The following RARB variants were observed in gnomAD, a reference collection of about 807,000 sequenced individuals.
RARB encodes the protein retinoic acid receptor beta.
Under a neutral mutation model 51.9 loss-of-function variants are expected in RARB, and 17 were observed. That is an observed-to-expected ratio of 0.33 (90% confidence interval 0.22 to 0.49). The LOEUF (loss-of-function observed/expected upper bound fraction) is 0.49, where lower values mean the gene tolerates loss of function less well. RARB is among the 20% of genes least tolerant of loss of function. RARB has a pLI of 0.99. For missense variants in RARB, 369 were observed against 550.8 expected, an observed-to-expected ratio of 0.67 and a Z score of 3.30; for synonymous variants, 215 against 195.4, an observed-to-expected ratio of 1.10 and a Z score of -0.84.
chr3:25,411,993 C>T (rs976849764), intron 5 of RARB, among the ~76,000 whole-genome samples: 1 of 152,136 alleles, frequency 6.6e-6, no homozygotes, highest in Non-Finnish European at 1.5e-5. Context: ...GTGGAATCAC[C>T]CATTCTGATT....
chr3:25,080,413 A>G (rs1479960530), intron 3 of RARB, among the ~76,000 whole-genome samples: 7 of 152,212 alleles, frequency 4.6e-5, no homozygotes, highest in Non-Finnish European at 2.9e-5. Flanking sequence ...GTACCTGTTT[A>G]TGTCCCTGCT....
intron 2 of RARB, among the ~76,000 whole-genome samples, chr3:24,891,845 C>T (rs1159667655): frequency 6.6e-6 from 1 of 151,224 alleles, no homozygotes; most frequent in Non-Finnish European, 1.5e-5. Context: ...CCTGGGGCGG[C>T]CATCTTCAGG....
chr3:25,075,339 A>G (rs1425065919), intron 3 of RARB, among the ~76,000 whole-genome samples: 2 of 152,160 alleles, frequency 1.3e-5, no homozygotes, highest in Non-Finnish European at 2.9e-5. Flanking sequence ...CCTTTAGCCA[A>G]CAAACCAGTT....
At chr3:25,203,253 C>T (rs555664968) in intron 5 of RARB, among the ~76,000 whole-genome samples, 169 of 152,208 alleles carry the variant, frequency 1.1e-3, no homozygotes, top group Non-Finnish European at 1.1e-3. Flanking sequence ...AGGATTGCAA[C>T]CCCTGCCTTT....
chr3:24,968,538 C>G (rs1488067445), intron 2 of RARB, among the ~76,000 whole-genome samples: 1 of 152,038 alleles, frequency 6.6e-6, no homozygotes, highest in South Asian at 2.1e-4. Context: ...AGCTGGACTA[C>G]CTCTTGTTTC....
At chr3:24,870,170 T>G (rs976385493) in intron 2 of RARB, among the ~76,000 whole-genome samples, 1 of 152,104 alleles carries the variant, frequency 6.6e-6, no homozygotes, top group African/African-American at 2.4e-5. Flanking sequence ...TCTAACTATC[T>G]TTATGGTGTC....
intron 5 of RARB, among the ~76,000 whole-genome samples, chr3:25,174,742 C>T (rs1035445850): frequency 6.6e-6 from 1 of 152,188 alleles, no homozygotes; most frequent in African/African-American, 2.4e-5. Context: ...TGATTTGAAA[C>T]TAGACAAGTG....
intron 2 of RARB, among the ~76,000 whole-genome samples, chr3:24,859,282 C>G (rs1166608769): frequency 6.6e-6 from 1 of 151,970 alleles, no homozygotes; most frequent in Non-Finnish European, 1.5e-5. Context: ...GAGGGTTTTG[C>G]TTTTCTTTGA....
At chr3:25,155,318 G>A (rs1203206886) in intron 4 of RARB, among the ~76,000 whole-genome samples, 3 of 152,014 alleles carry the variant, frequency 2.0e-5, no homozygotes, top group Non-Finnish European at 2.9e-5. Context: ...AACTTTATTT[G>A]CATTGCATTG....
At chr3:25,092,245 T>C (rs541118377) in intron 3 of RARB, among the ~76,000 whole-genome samples, 1 of 152,288 alleles carries the variant, frequency 6.6e-6, no homozygotes, top group South Asian at 2.1e-4. Flanking sequence ...ACCGAAAAGG[T>C]TGCAAACTAT....
chr3:25,305,958 C>T (rs956759748), intron 5 of RARB, among the ~76,000 whole-genome samples: 2 of 152,156 alleles, frequency 1.3e-5, no homozygotes. Flanking sequence ...TCAGTTGTTT[C>T]TGCTACTTAA....
intron 4 of RARB, among the ~76,000 whole-genome samples, chr3:25,171,034 T>C (rs1038541470): frequency 6.6e-6 from 1 of 152,256 alleles, no homozygotes; most frequent in Middle Eastern, 3.4e-3. Flanking sequence ...ATTTAGTATG[T>C]TCTTGTAAAA....
chr3:25,534,811 G>T (rs1699071009), intron 3 of RARB, among the ~76,000 whole-genome samples: 1 of 152,164 alleles, frequency 6.6e-6, no homozygotes, highest in South Asian at 2.1e-4. Context: ...ACAGGCTAAT[G>T]CTGGGCTGCT....
At chr3:24,945,395 G>C (rs1423059130) in intron 2 of RARB, among the ~76,000 whole-genome samples, 1 of 152,200 alleles carries the variant, frequency 6.6e-6, no homozygotes, top group Non-Finnish European at 1.5e-5. Context: ...AGCAGTGTGT[G>C]AGAAGGCACA....
At position 24,957,606 on chromosome 3, in the gene RARB, A is replaced by C. The variant is rs116443287; in HGVS notation, c.-380+98854A>C. On this transcript the variant is annotated intron_variant, in intron 2 of 11. Coordinates refer to the RARB transcript ENST00000383772. ...ATTTGAAAAATCAACATTGTTATCC[A>C]GATGCTTTGAGCCTTAAAACTATTA... 5.7e-3 allele frequency among the ~76,000 whole-genome samples: 876 copies of C among 152,358 alleles called. 13 individuals carry two copies. Among genetic ancestry groups the C allele is most frequent in the Middle Eastern group, 0.027 (8 of 294 alleles).
intron 4 of RARB, among the ~76,000 whole-genome samples, chr3:25,161,829 C>T (rs1682456365): frequency 6.6e-6 from 1 of 152,278 alleles, no homozygotes; most frequent in East Asian, 1.9e-4. Context: ...GGGGAAGGGG[C>T]CCATGGAATG....
intron 2 of RARB, among the ~76,000 whole-genome samples, chr3:25,043,673 G>T (rs942184453): frequency 6.6e-6 from 1 of 152,108 alleles, no homozygotes; most frequent in Non-Finnish European, 1.5e-5. Flanking sequence ...ATTATATCAA[G>T]ATGATTTTTA....
intron 4 of RARB, among the ~76,000 whole-genome samples, chr3:25,145,036 G>A (rs1376285333): frequency 6.6e-6 from 1 of 152,122 alleles, no homozygotes; most frequent in African/African-American, 2.4e-5. Flanking sequence ...AGAGGCTGTG[G>A]GCTCTATCGT....
intron 3 of RARB, among the ~76,000 whole-genome samples, chr3:25,064,381 G>C (rs1400114249): frequency 6.6e-6 from 1 of 151,960 alleles, no homozygotes; most frequent in African/African-American, 2.4e-5. Flanking sequence ...TTGATATACA[G>C]CTTCAATATT....
Sources: allele counts gnomAD v4.1 joint callset (sites outside exome capture counted in the v4.1 genomes callset), GRCh38; gene constraint gnomAD v4.1.1; transcripts MANE v1.5; gene names NCBI Gene and HGNC (gene_info 2026-07-23, HGNC 2026-07-21).